The following RALGAPA2 variants were observed in gnomAD, a reference collection of about 807,000 sequenced individuals.
RALGAPA2 encodes Ral GTPase activating protein catalytic subunit alpha 2.
A neutral mutation model predicts 230.4 loss-of-function variants in RALGAPA2; 139 were observed. That is an observed-to-expected ratio of 0.60 (90% CI 0.53 to 0.69). RALGAPA2 has a LOEUF of 0.69. RALGAPA2 is among the 30% of genes least tolerant of loss of function. RALGAPA2 has a pLI of 0.00. For missense variants in RALGAPA2, 2,163 were observed against 2,276.0 expected, an observed-to-expected ratio of 0.95 and a Z score of 1.01; for synonymous variants, 847 against 837.8, an observed-to-expected ratio of 1.01 and a Z score of -0.19.
chr20:20,645,106 CTTTTTTTTTT>C, intron 4 of RALGAPA2, among the ~76,000 whole-genome samples: 2 of 59,482 alleles, frequency 3.4e-5, no homozygotes, highest in East Asian at 5.5e-4. Context: ...GGTGGTGGTG[CTTTTTTTTTT>C]TTTTTTTTTT....
intron 36 of RALGAPA2, among the ~76,000 whole-genome samples, chr20:20,475,504 C>A (rs1278226968): frequency 1.3e-5 from 2 of 151,966 alleles, no homozygotes; most frequent in Admixed American, 1.3e-4. Context: ...AGACACAGAA[C>A]AAGCATTAAA....
At chr20:20,526,150 G>T in intron 28 of RALGAPA2, 102 bp downstream of exon 28, 2 of 921,954 alleles carry the variant, frequency 2.2e-6, no homozygotes, top group Non-Finnish European at 3.2e-6. Context: ...CAATTTAATA[G>T]TTGGTTCTCT....
chr20:20,624,888 T>C (rs1568665857), intron 10 of RALGAPA2, among the ~76,000 whole-genome samples: 1 of 152,214 alleles, frequency 6.6e-6, no homozygotes, highest in African/African-American at 2.4e-5. Context: ...TAAGAATGAA[T>C]GAATGAAGAA....
At chr20:20,438,769 C>G (rs2060669467) in intron 37 of RALGAPA2, among the ~76,000 whole-genome samples, 1 of 152,168 alleles carries the variant, frequency 6.6e-6, no homozygotes, top group Non-Finnish European at 1.5e-5. Flanking sequence ...AAAAGACGGA[C>G]TAATTATTTA....
chr20:20,706,787 G>A (rs1317704019), intron 1 of RALGAPA2, among the ~76,000 whole-genome samples: 2 of 152,164 alleles, frequency 1.3e-5, no homozygotes, highest in Non-Finnish European at 2.9e-5. Context: ...ATAACTAGCA[G>A]AAGCATAACA....
At chr20:20,627,611 A>T (rs980442788) in intron 10 of RALGAPA2, among the ~76,000 whole-genome samples, 1 of 152,188 alleles carries the variant, frequency 6.6e-6, no homozygotes, top group Non-Finnish European at 1.5e-5. Context: ...CCTGAGACAG[A>T]CATCTCACTC....
intron 31 of RALGAPA2, among the ~76,000 whole-genome samples, chr20:20,513,567 A>C (rs577873031): frequency 6.6e-6 from 1 of 152,326 alleles, no homozygotes; most frequent in South Asian, 2.1e-4. Context: ...CCAGCTGGTA[A>C]GAGTGAGTGA....
At chr20:20,513,924 G>C (rs541743909) in intron 31 of RALGAPA2, among the ~76,000 whole-genome samples, 1 of 152,348 alleles carries the variant, frequency 6.6e-6, no homozygotes, top group East Asian at 1.9e-4. Context: ...CCTGGGCAAT[G>C]AGACTTGCAG....
At chr20:20,528,323 T>A (rs952157468) in intron 27 of RALGAPA2, among the ~76,000 whole-genome samples, 2 of 152,152 alleles carry the variant, frequency 1.3e-5, no homozygotes, top group African/African-American at 2.4e-5. Flanking sequence ...AGCCTGTGCA[T>A]GGACAGATCC....
chr20:20,445,954 CAT>C (rs1491400971), intron 37 of RALGAPA2, among the ~76,000 whole-genome samples: 4 of 151,756 alleles, frequency 2.6e-5, no homozygotes, highest in African/African-American at 9.7e-5. Flanking sequence ...TTGGAAAAAA[CAT>C]TTTTTTTTTT....
intron 36 of RALGAPA2, 96 bp downstream of exon 36, chr20:20,495,021 G>T: frequency 8.8e-7 from 1 of 1,134,800 alleles, no homozygotes; most frequent in Non-Finnish European, 1.2e-6. Context: ...CTGGATGAGA[G>T]TCCCCTTTAA....
At chr20:20,699,551 T>C (rs2069257897) in intron 1 of RALGAPA2, among the ~76,000 whole-genome samples, 2 of 152,192 alleles carry the variant, frequency 1.3e-5, no homozygotes, top group African/African-American at 2.4e-5. Context: ...GCAATGTATG[T>C]CTTCAGTTCC....
At chr20:20,690,408 A>G (rs1482019246) in intron 1 of RALGAPA2, among the ~76,000 whole-genome samples, 1 of 151,982 alleles carries the variant, frequency 6.6e-6, no homozygotes, top group Non-Finnish European at 1.5e-5. Flanking sequence ...GTAATCATTG[A>G]CCACCCCCTA....
intron 36 of RALGAPA2, among the ~76,000 whole-genome samples, chr20:20,485,772 T>C (rs978264784): frequency 1.3e-5 from 2 of 152,234 alleles, no homozygotes; most frequent in Admixed American, 6.5e-5. Flanking sequence ...TTATTATTCA[T>C]CCATATGCTA....
At chr20:20,553,229 A>G (rs1432017116) in intron 23 of RALGAPA2, among the ~76,000 whole-genome samples, 1 of 152,196 alleles carries the variant, frequency 6.6e-6, no homozygotes, top group Non-Finnish European at 1.5e-5. Context: ...TACAGGACAG[A>G]GTAATTGGGT....
At chr20:20,702,335 G>A (rs1402818961) in intron 1 of RALGAPA2, among the ~76,000 whole-genome samples, 1 of 152,156 alleles carries the variant, frequency 6.6e-6, no homozygotes, top group African/African-American at 2.4e-5. Context: ...GATTTATTGG[G>A]GTAAATGCCC....
intron 26 of RALGAPA2, among the ~76,000 whole-genome samples, chr20:20,533,144 C>A (rs1370994397): frequency 2.0e-5 from 3 of 151,252 alleles, no homozygotes; most frequent in Non-Finnish European, 4.4e-5. Context: ...ATCTTTCTTT[C>A]CTATTAAAAA....
At chr20:20,587,796 T>G (rs1326411106) in intron 18 of RALGAPA2, among the ~76,000 whole-genome samples, 1 of 151,426 alleles carries the variant, frequency 6.6e-6, no homozygotes, top group Non-Finnish European at 1.5e-5. Context: ...TAAATATAAA[T>G]AAAGAGAAAA....
At chr20:20,468,649 C>T (rs549361287) in intron 37 of RALGAPA2, among the ~76,000 whole-genome samples, 1 of 151,546 alleles carries the variant, frequency 6.6e-6, no homozygotes, top group Non-Finnish European at 1.5e-5. Flanking sequence ...TCTGTGAAAC[C>T]ATTCTCTCCT....
Sources: allele counts gnomAD v4.1 joint callset (sites outside exome capture counted in the v4.1 genomes callset), GRCh38; gene constraint gnomAD v4.1.1; transcripts MANE v1.5; gene names NCBI Gene and HGNC (gene_info 2026-07-23, HGNC 2026-07-21).